The following SEC16A variants were observed in gnomAD, a reference collection of about 807,000 sequenced individuals.
SEC16A encodes SEC16 homolog A, endoplasmic reticulum export factor.
SEC16A carries 110 observed loss-of-function variants against 221.9 expected under a neutral mutation model. That is an observed-to-expected ratio of 0.50 (90% CI 0.42 to 0.58). SEC16A has a LOEUF of 0.58. SEC16A is among the 20% of genes least tolerant of loss of function. The probability of loss-of-function intolerance (pLI) is 0.00; values close to 1 mark genes in which losing one functional copy is unlikely to be tolerated. For synonymous variants in SEC16A, 1,393 were observed against 1,257.7 expected, an observed-to-expected ratio of 1.11 and a Z score of -2.28; for missense variants, 3,165 against 3,097.8, an observed-to-expected ratio of 1.02 and a Z score of -0.52.
intron 1 of SEC16A, among the ~76,000 whole-genome samples, chr9:136,482,568 T>C (rs894147918): frequency 6.6e-6 from 1 of 152,220 alleles, no homozygotes; most frequent in Non-Finnish European, 1.5e-5. Context: ...TTCACCAGCA[T>C]CGCTAAGGAA....
In SEC16A at chr9:136,447,564, C is replaced by CT; in HGVS notation, c.6559+4dup. ...AGCAAGCTCCCACTCCAAGGCCACCCTTACCTGCTCTTCTAGAGTACATGT... is the reference window on the plus strand; with the variant it reads ...AGCAAGCTCCCACTCCAAGGCCACCCTTTACCTGCTCTTCTAGAGTACATGT... On this transcript the variant is annotated splice_donor_region_variant and intron_variant, in intron 26 of 31. Transcript: ENST00000684901. This position sits in a 1 kb window ranked among gnomAD's most constrained non-coding sequence, Gnocchi z 5.5. 1.2e-6 allele frequency: 2 copies of CT among 1,609,554 alleles called. No homozygotes were observed. The highest frequency in any genetic ancestry group is 1.7e-6 in the Non-Finnish European group (2 of 1,175,838).
Position 136,455,911 on chromosome 9 carries a change from C to G in SEC16A, c.5665-118G>C. On this transcript the variant is annotated intron_variant, in intron 19 of 31. Coordinates refer to ENST00000684901, the MANE Select transcript of SEC16A (RefSeq NM_014866.2). ...TTCAGGACAGGAGGCACTCAAAGCC[C>G]TTTCTGGGGAATTAGGGAATTCTCA... is the stretch of plus-strand genomic sequence containing the variant. 4 of 1,228,362 alleles carry G rather than the reference C, an allele frequency of 3.3e-6. No individual in the cohort carries two copies. The East Asian group carries it at 7.6e-5, about 23-fold the overall frequency. The allele number at this position is 1,228,362 out of a possible 1,614,324, so 76.1% of individuals were successfully genotyped here.
chr9:136,468,888 C>T (rs911423548), intron 4 of SEC16A, among the ~76,000 whole-genome samples: 3 of 152,048 alleles, frequency 2.0e-5, no homozygotes, highest in Non-Finnish European at 2.9e-5. Context: ...TTCACTCTGT[C>T]GCATAGGCTG....
chr9:136,477,805 G>T, intron 2 of SEC16A, 121 bp from the exon 3 acceptor site: 1 of 1,030,424 alleles, frequency 9.7e-7, no homozygotes, highest in Non-Finnish European at 1.4e-6. Context: ...AAATCCCAAG[G>T]ACTCTCTCTC....
chr9:136,466,833 A>C lies in SEC16A; in HGVS notation c.3929+124T>G. 4 of 1,234,416 alleles carry C rather than the reference A, an allele frequency of 3.2e-6. No homozygotes were observed. The South Asian group carries it at 4.5e-5, about 14-fold the overall frequency. The allele number at this position is 1,234,416 out of a possible 1,614,324, so 76.5% of individuals were successfully genotyped here. ...TCCTTCCTTTCAGACAGGGACCAAAACATCAGGCAGATGCTCACCCAAACT... is the reference window on the plus strand; with the variant it reads ...TCCTTCCTTTCAGACAGGGACCAAACCATCAGGCAGATGCTCACCCAAACT... On this transcript the variant is annotated intron_variant, in intron 6 of 31. Coordinates refer to ENST00000684901, the MANE Select transcript of SEC16A (RefSeq NM_014866.2). The surrounding 1 kb of genome is among the most constrained non-coding windows in gnomAD (Gnocchi z 5.5).
upstream of SEC16A, chr9:136,483,811 GC>G: frequency 1.0e-6 from 1 of 985,244 alleles, no homozygotes; most frequent in Non-Finnish European, 1.2e-6. Context: ...GGCCGCGCAT[GC>G]GCCGGGAGCG....
chr9:136,474,806 A>G lies in SEC16A; in HGVS notation c.2810T>C (p.Leu937Ser). 1 of 1,613,974 alleles carries G rather than the reference A, an allele frequency of 6.2e-7. No homozygotes were observed. Among genetic ancestry groups the G allele is most frequent in the African/African-American group, 1.3e-5 (1 of 75,056 alleles). The part of the protein sequence containing the change: ...QPPSQPVPEN[L>S]VPESQKDRKA... ...ACGATCCTTTTGACTTTCTGGAACC[A>G]AGTTCTCTGGAACTGGCTGGGATGG... Residue 937 changes from leucine to serine, a missense_variant, in exon 3 of 32, where the codon TTG becomes TCG. By Grantham distance (145) the Leu-to-Ser change is moderately radical. Coordinates refer to ENST00000684901, the MANE Select transcript of SEC16A (RefSeq NM_014866.2).
chr9:136,442,832 C>T (rs926767094), intron 31 of SEC16A, among the ~76,000 whole-genome samples: 4 of 152,170 alleles, frequency 2.6e-5, no homozygotes, highest in Admixed American at 6.5e-5. Flanking sequence ...CCAGATAGGC[C>T]GGAGGAGAAA....
In SEC16A at chr9:136,464,410, G is replaced by A. The variant is rs1839895911; in HGVS notation, c.4446+10C>T. 6.3e-7 allele frequency: 1 copy of A among 1,594,146 alleles called. No homozygotes were observed. The highest frequency in any genetic ancestry group is 8.6e-7 in the Non-Finnish European group (1 of 1,164,506). ...GAGCAGTGACGCCACGCTTCTGCGT[G>A]TGCCATTACCTCCATGCTGTGGACC... On this transcript the variant is annotated intron_variant, in intron 9 of 31. Transcript: ENST00000684901.
upstream of SEC16A, chr9:136,484,442 G>A (rs1245181758): frequency 1.7e-6 from 2 of 1,202,102 alleles, no homozygotes; most frequent in Non-Finnish European, 2.1e-6. Flanking sequence ...TGAGGAAGCG[G>A]CCAGCCATGC....
chr9:136,472,697 A>G (rs529051633), intron 3 of SEC16A, among the ~76,000 whole-genome samples: 1 of 152,200 alleles, frequency 6.6e-6, no homozygotes, highest in Non-Finnish European at 1.5e-5. Context: ...AACGGGGCCC[A>G]TGTGGACACA....
intron 20 of SEC16A, 137 bp downstream of exon 20, chr9:136,455,464 A>T: frequency 1.2e-6 from 1 of 801,878 alleles, no homozygotes; most frequent in Non-Finnish European, 1.9e-6. Flanking sequence ...CCCCACAACC[A>T]CCGAGGTGGT....
chr9:136,458,914 A>G (rs188839284), intron 17 of SEC16A, among the ~76,000 whole-genome samples: 1 of 152,206 alleles, frequency 6.6e-6, no homozygotes, highest in Non-Finnish European at 1.5e-5. Flanking sequence ...TTAAAAAAAA[A>G]GCTCATGAAA....
intron 23 of SEC16A, 70 bp downstream of exon 23, chr9:136,451,186 C>T (rs138267195): frequency 0.013 from 19,180 of 1,497,246 alleles, 152 homozygotes; most frequent in Non-Finnish European, 0.016. Flanking sequence ...AAGAGGATGG[C>T]GCTCTGGGAA....
chr9:136,456,313 G>A lies in SEC16A; in HGVS notation c.5551-147C>T. On this transcript the variant is annotated intron_variant, in intron 18 of 31. Transcript: ENST00000684901. ...ATATGTTTCTAGTATGTGCTTAGGT[G>A]ACATACACAGCACATGGGACGCTGG... 4.9e-6 allele frequency: 3 copies of A among 613,360 alleles called. No individual in the cohort carries two copies. In the South Asian group the frequency reaches 5.7e-5, roughly 12 times the overall value. 38.0% of individuals were successfully genotyped at this position (613,360 alleles called of 1,614,324 possible). A position where few individuals can be genotyped will look rare whatever the true frequency, so the allele number is the denominator to read the frequency against.
At chr9:136,443,925 C>T in intron 30 of SEC16A, 25 bp from the exon 31 acceptor site, 1 of 1,582,356 alleles carries the variant, frequency 6.3e-7, no homozygotes, top group Non-Finnish European at 8.6e-7. Flanking sequence ...GAAGTCACCT[C>T]AGCAGGGCTG....
At chr9:136,448,426 CCA>C (rs1469772978) in intron 23 of SEC16A, 1 of 699,238 alleles carries the variant, frequency 1.4e-6, no homozygotes, top group African/African-American at 2.0e-5. Flanking sequence ...GGGGGGCGAT[CCA>C]CAGAGACACC....
At position 136,476,389 on chromosome 9, in the gene SEC16A, T is replaced by C. The variant is rs1369869461; in HGVS notation, c.1227A>G (p.Leu409=). 6 of 1,612,762 alleles carry C rather than the reference T, an allele frequency of 3.7e-6. No individual in the cohort carries two copies. The highest frequency in any genetic ancestry group is 2.5e-6 in the Non-Finnish European group (3 of 1,179,888). ...DFDDFCSSPG[L]GRPPAPTHVG... is the part of the protein sequence containing the mutation. ...CGTGTGTAGGTGCGGGCGGACGGCC[T>C]AGCCCAGGGCTGGAGCAGAAATCGT... The change falls in exon 3 of 32, where the codon CTA becomes CTG. Residue 409 remains leucine, a synonymous_variant. Coordinates refer to ENST00000684901, the MANE Select transcript of SEC16A (RefSeq NM_014866.2).
chr9:136,457,659 G>C, intron 17 of SEC16A, 75 bp from the exon 18 acceptor site: 20 of 1,504,980 alleles, frequency 1.3e-5, no homozygotes, highest in Non-Finnish European at 1.8e-5. Flanking sequence ...GCCTTGTACT[G>C]CCCTGAGGCT....
Sources: allele counts gnomAD v4.1 joint callset (sites outside exome capture counted in the v4.1 genomes callset), GRCh38; gene constraint gnomAD v4.1.1; non-coding constraint Gnocchi (gnomAD v3.1); transcripts MANE v1.5; gene names NCBI Gene and HGNC (gene_info 2026-07-23, HGNC 2026-07-21).